KCNH1: variants seen among roughly 807,000 people sequenced by gnomAD.
KCNH1 encodes the protein potassium voltage-gated channel subfamily H member 1, also known as voltage-gated delayed rectifier potassium channel KCNH1.
KCNH1 carries 27 observed loss-of-function variants against 69.2 expected under a neutral mutation model. That is an observed-to-expected ratio of 0.39 (90% confidence interval 0.29 to 0.54). The LOEUF is 0.54. Among genes scored for constraint, KCNH1 ranks in the 20% least tolerant of loss-of-function variants. KCNH1 has a pLI of 0.68. For missense variants in KCNH1, 798 were observed against 1,261.6 expected (o/e 0.63, Z 5.57); for synonymous variants, 456 against 487.7 (o/e 0.93, Z 0.86).
At chr1:210,973,921 G>A (rs1688556592) in intron 6 of KCNH1, among the ~76,000 whole-genome samples, 1 of 151,908 alleles carries the variant, frequency 6.6e-6, no homozygotes, top group African/African-American at 2.4e-5. Flanking sequence ...TTTAAGATAG[G>A]TTCAACATTT....
chr1:211,133,134 G>T lies in KCNH1; in HGVS notation c.79+733C>A, dbSNP rs1260305665. On this transcript the variant is annotated intron_variant, in intron 1 of 10. Transcript: ENST00000271751. This position sits in a 1 kb window ranked among gnomAD's most constrained non-coding sequence, Gnocchi z 5.4. The stretch of plus-strand genomic sequence containing the variant: ...AATTTATAGGTGAGCAACACTTAAG[G>T]GTGGCATAAAACCGTTGTGGGTTTG... The T allele has an allele frequency of 6.6e-6, 1 of 152,252 alleles. No individual in the cohort carries two copies. Among genetic ancestry groups the T allele is most frequent in the Non-Finnish European group, 1.5e-5 (1 of 68,118 alleles). The allele number at this position is 152,252 out of a possible 1,614,324, so 9.4% of individuals were successfully genotyped here. A position where few individuals can be genotyped will look rare whatever the true frequency, so the allele number is the denominator to read the frequency against.
chr1:210,964,829 G>A (rs1323891440), intron 6 of KCNH1, among the ~76,000 whole-genome samples: 7 of 152,052 alleles, frequency 4.6e-5, no homozygotes, highest in Non-Finnish European at 1.5e-5. Context: ...TATCCCTGAC[G>A]AACATCAATG....
At chr1:210,946,416 T>C (rs1168434428) in intron 6 of KCNH1, among the ~76,000 whole-genome samples, 1 of 152,202 alleles carries the variant, frequency 6.6e-6, no homozygotes, top group South Asian at 2.1e-4. Flanking sequence ...AGAAATCCTT[T>C]CCCATTTGCT....
At chr1:211,071,730 A>G (rs1182597916) in intron 5 of KCNH1, among the ~76,000 whole-genome samples, 2 of 152,334 alleles carry the variant, frequency 1.3e-5, no homozygotes, top group East Asian at 3.9e-4. Context: ...TTTCTAGGCT[A>G]TGCAGTTGGT....
At chr1:211,047,853 C>T (rs377750726) in intron 5 of KCNH1, among the ~76,000 whole-genome samples, 6 of 150,508 alleles carry the variant, frequency 4.0e-5, no homozygotes, top group African/African-American at 1.2e-4. Context: ...AACTCAAATC[C>T]GCAAGGAAAA....
At chr1:210,694,692 C>T (rs1471282241) in intron 10 of KCNH1, among the ~76,000 whole-genome samples, 2 of 152,208 alleles carry the variant, frequency 1.3e-5, no homozygotes, top group Non-Finnish European at 2.9e-5. Flanking sequence ...CAGCTTTGTA[C>T]GTCCATTCTT....
chr1:211,095,523 G>A (rs556472844), intron 3 of KCNH1, among the ~76,000 whole-genome samples: 1 of 152,300 alleles, frequency 6.6e-6, no homozygotes, highest in African/African-American at 2.4e-5. Flanking sequence ...AGGTTCCTCA[G>A]CCTTGGCAGC....
At position 210,856,898 on chromosome 1, in the gene KCNH1, T is replaced by TATAA. The variant is rs1410330503; in HGVS notation, c.1463-52733_1463-52732insTTAT. 4.5e-4 allele frequency among the ~76,000 whole-genome samples: 55 copies of TATAA among 121,394 alleles called. 1 individual carries two copies. Among genetic ancestry groups the TATAA allele is most frequent in the East Asian group, 1.4e-3 (4 of 2,812 alleles). 79.6% of individuals were successfully genotyped at this position (121,394 alleles called of 152,430 possible). A position where few individuals can be genotyped will look rare whatever the true frequency, so the allele number is the denominator to read the frequency against. ...CCCACTATATATATATATATATATA[T>TATAA]AAAATACTCATGCCTGGTGTTTACT... On this transcript the variant is annotated intron_variant, in intron 7 of 10. Transcript: ENST00000271751.
intron 10 of KCNH1, among the ~76,000 whole-genome samples, chr1:210,773,835 C>G (rs1267339289): frequency 1.3e-5 from 2 of 152,148 alleles, no homozygotes; most frequent in East Asian, 1.9e-4. Flanking sequence ...AGATAGGGAA[C>G]TGAGTATCAT....
intron 1 of KCNH1, chr1:211,132,555 T>G (rs1558617970): frequency 6.6e-6 from 1 of 152,232 alleles, no homozygotes. Flanking sequence ...TGCTAGTTGA[T>G]GTGTTTCATT....
intron 1 of KCNH1, among the ~76,000 whole-genome samples, chr1:211,131,067 A>G (rs1004957065): frequency 3.3e-5 from 5 of 152,172 alleles, no homozygotes; most frequent in African/African-American, 4.8e-5. Flanking sequence ...AAAGAATCTG[A>G]CATTGGACTC....
intron 9 of KCNH1, among the ~76,000 whole-genome samples, chr1:210,777,206 C>T: frequency 6.6e-6 from 1 of 152,282 alleles, no homozygotes; most frequent in African/African-American, 2.4e-5. Context: ...TAGAACTTGA[C>T]TTTACCTCAA....
intron 5 of KCNH1, among the ~76,000 whole-genome samples, chr1:211,040,293 G>T (rs1463708839): frequency 6.6e-6 from 1 of 152,058 alleles, no homozygotes; most frequent in Non-Finnish European, 1.5e-5. Flanking sequence ...GAATGATATG[G>T]TTTGGCTGTG....
intron 6 of KCNH1, among the ~76,000 whole-genome samples, chr1:211,016,737 C>T (rs187933916): frequency 3.3e-5 from 5 of 151,440 alleles, no homozygotes; most frequent in South Asian, 2.1e-4. Context: ...GGTGAAACCC[C>T]GTCTCTACTA....
chr1:210,909,511 C>A (rs1328546786), intron 7 of KCNH1, among the ~76,000 whole-genome samples: 1 of 152,206 alleles, frequency 6.6e-6, no homozygotes, highest in African/African-American at 2.4e-5. Flanking sequence ...TCTTTACCTT[C>A]ATTTATGCCA....
At position 211,090,709 on chromosome 1, in the gene KCNH1, G is replaced by T. The variant is rs1326609402; in HGVS notation, c.311-19C>A. On this transcript the variant is annotated intron_variant, in intron 3 of 10. Transcript: ENST00000271751. Reference sequence around the variant, plus strand: ...GGTGTCCCTGAAAGGAATATCAAAAGGTTGGTCAGTAATTTGCATTCTCAT... The same window carrying T: ...GGTGTCCCTGAAAGGAATATCAAAATGTTGGTCAGTAATTTGCATTCTCAT... 6.3e-7 allele frequency: 1 copy of T among 1,593,202 alleles called. No individual in the cohort carries two copies. The highest frequency in any genetic ancestry group is 1.9e-5 in the Admixed American group (1 of 52,836).
At chr1:211,050,260 T>TAAAAAAAAAAAAAAAAAAAAAAA (rs747498526) in intron 5 of KCNH1, among the ~76,000 whole-genome samples, 14 of 58,568 alleles carry the variant, frequency 2.4e-4, no homozygotes, top group South Asian at 7.7e-4. Flanking sequence ...CACACATTCT[T>TAAAAAAAAAAAAAAAAAAAAAAA]AAAAAAAAAA....
At chr1:210,785,450 A>G (rs1684079813) in intron 9 of KCNH1, among the ~76,000 whole-genome samples, 3 of 149,952 alleles carry the variant, frequency 2.0e-5, no homozygotes, top group Admixed American at 2.0e-4. Context: ...GCTGGAGTGC[A>G]GTGGTGCAAT....
At chr1:210,714,554 G>C (rs957340600) in intron 10 of KCNH1, among the ~76,000 whole-genome samples, 1 of 152,100 alleles carries the variant, frequency 6.6e-6, no homozygotes, top group South Asian at 2.1e-4. Context: ...ATCCACACAA[G>C]GGGTCAGAAT....
Sources: gnomAD v4.1 joint callset for allele counts (sites outside exome capture counted in the v4.1 genomes callset) on GRCh38, gnomAD v4.1.1 for gene constraint, Gnocchi (gnomAD v3.1) non-coding constraint, MANE v1.5 for transcripts, NCBI Gene and HGNC (gene_info 2026-07-23, HGNC 2026-07-21) for gene names.